PHIP: variants seen among roughly 807,000 people sequenced by gnomAD.
The protein encoded by PHIP is PHIP subunit of CUL4-Ring ligase complex, also known as PH-interacting protein.
In PHIP, 54 loss-of-function variants were observed where a neutral mutation model predicts 236.8. The ratio of observed to expected loss-of-function variants is 0.23; its 90% CI spans 0.18 to 0.29. PHIP has a LOEUF of 0.29. Ranked by LOEUF, PHIP falls within the 10% of genes least tolerant of loss-of-function variation. PHIP has a pLI of 1.00. For synonymous variants in PHIP, 756 were observed against 718.9 expected, an observed-to-expected ratio of 1.05 and a Z score of -0.83; for missense variants, 1,370 against 2,190.8, an observed-to-expected ratio of 0.63 and a Z score of 7.48.
chr6:79,045,383 T>C (rs753966439), intron 6 of PHIP, among the ~76,000 whole-genome samples: 3 of 152,178 alleles, frequency 2.0e-5, no homozygotes, highest in Admixed American at 6.6e-5. Flanking sequence ...GATAGAAGGA[T>C]GAGCTAGGAC....
intron 9 of PHIP, among the ~76,000 whole-genome samples, chr6:79,024,068 G>A (rs1234635977): frequency 6.6e-6 from 1 of 152,174 alleles, no homozygotes. Context: ...CAACTGAAGT[G>A]AAGTCAACTT....
At chr6:79,052,422 G>A (rs1772839210) in intron 6 of PHIP, among the ~76,000 whole-genome samples, 1 of 152,168 alleles carries the variant, frequency 6.6e-6, no homozygotes, top group Admixed American at 6.5e-5. Context: ...GAGAAGGTAG[G>A]GGAGCGGACT....
At position 78,997,375 on chromosome 6, in the gene PHIP, A is replaced by G. The variant is rs905013635; in HGVS notation, c.2201+39T>C. 1.9e-6 allele frequency: 3 copies of G among 1,570,806 alleles called. No individual in the cohort carries two copies. The African/African-American group carries it at 4.1e-5, about 21-fold the overall frequency. On this transcript the variant is annotated intron_variant, in intron 19 of 39. Transcript: ENST00000275034. ...ATGCTGTTAACTCCAAAATGAACCC[A>G]AGGAACTATGGTACATAAAAATTCA...
intron 7 of PHIP, among the ~76,000 whole-genome samples, chr6:79,029,831 T>C (rs1771583358): frequency 6.6e-6 from 1 of 152,060 alleles, no homozygotes; most frequent in South Asian, 2.1e-4. Flanking sequence ...TTTAAATAAA[T>C]GAGGAAGAAT....
intron 4 of PHIP, among the ~76,000 whole-genome samples, chr6:79,076,799 C>T (rs1250219368): frequency 6.6e-6 from 1 of 152,150 alleles, no homozygotes; most frequent in Non-Finnish European, 1.5e-5. Context: ...ACAGGCTTTA[C>T]ACTTCTGCAA....
At chr6:79,030,404 A>G (rs1222345671) in intron 7 of PHIP, among the ~76,000 whole-genome samples, 2 of 152,202 alleles carry the variant, frequency 1.3e-5, no homozygotes, top group African/African-American at 4.8e-5. Flanking sequence ...TAACATCTCA[A>G]TGTTGCTGGG....
At chr6:79,046,901 A>AT (rs1046291577) in intron 6 of PHIP, among the ~76,000 whole-genome samples, 14 of 149,666 alleles carry the variant, frequency 9.4e-5, no homozygotes, top group African/African-American at 3.5e-4. Context: ...AGGTTTAAGA[A>AT]TTAAAAAAAA....
At chr6:78,950,232 AG>A (rs1774066603) in intron 35 of PHIP, among the ~76,000 whole-genome samples, 1 of 152,244 alleles carries the variant, frequency 6.6e-6, no homozygotes, top group African/African-American at 2.4e-5. Flanking sequence ...TGGAATAAAC[AG>A]CACTTGGTCA....
At chr6:78,958,833 T>C (rs1025012184) in intron 31 of PHIP, among the ~76,000 whole-genome samples, 3 of 152,024 alleles carry the variant, frequency 2.0e-5, no homozygotes, top group Non-Finnish European at 4.4e-5. Context: ...GAACACACCA[T>C]ATTAACAAAG....
At chr6:78,984,391 C>A (rs1204278388) in intron 22 of PHIP, among the ~76,000 whole-genome samples, 1 of 149,750 alleles carries the variant, frequency 6.7e-6, no homozygotes, top group Non-Finnish European at 1.5e-5. Flanking sequence ...ATGGTACCTG[C>A]CAAATCACAC....
chr6:78,960,294 T>C (rs1246416373), intron 31 of PHIP, among the ~76,000 whole-genome samples: 1 of 152,152 alleles, frequency 6.6e-6, no homozygotes, highest in East Asian at 1.9e-4. Context: ...GCAGCTTATA[T>C]TTCTAGTTGC....
intron 17 of PHIP, among the ~76,000 whole-genome samples, chr6:78,998,885 G>C (rs143036024): frequency 1.3e-5 from 2 of 152,234 alleles, no homozygotes; most frequent in African/African-American, 2.4e-5. Context: ...GCCAGGTACT[G>C]AGATCTAGTG....
chr6:79,022,816 A>C (rs1207668285), intron 9 of PHIP, among the ~76,000 whole-genome samples: 2 of 152,220 alleles, frequency 1.3e-5, no homozygotes, highest in African/African-American at 2.4e-5. Context: ...GTGAATTTAT[A>C]AAGATATTTG....
chr6:78,950,596 G>T (rs989980805), intron 35 of PHIP, among the ~76,000 whole-genome samples: 2 of 152,136 alleles, frequency 1.3e-5, no homozygotes, highest in South Asian at 2.1e-4. Context: ...TCTATTTCAT[G>T]TAAGTTATCA....
chr6:78,991,044 A>G (rs946253903), intron 19 of PHIP, 59 bp from the exon 20 acceptor site: 19 of 971,180 alleles, frequency 2.0e-5, no homozygotes, highest in Non-Finnish European at 2.7e-5. Context: ...TTCCTCCAAA[A>G]GGAATGTTAG....
intron 4 of PHIP, among the ~76,000 whole-genome samples, chr6:79,077,054 T>C (rs548559905): frequency 1.3e-5 from 2 of 152,150 alleles, no homozygotes; most frequent in South Asian, 2.1e-4. Flanking sequence ...CGGCCGCGCG[T>C]GCAGAGCGAG....
At chr6:79,071,859 T>G (rs1252709355) in intron 4 of PHIP, among the ~76,000 whole-genome samples, 1 of 152,096 alleles carries the variant, frequency 6.6e-6, no homozygotes, top group African/African-American at 2.4e-5. Context: ...GAAGAATGAC[T>G]GTCAATTGGT....
intron 7 of PHIP, among the ~76,000 whole-genome samples, chr6:79,030,456 G>A (rs1055588608): frequency 6.6e-6 from 1 of 152,166 alleles, no homozygotes; most frequent in Non-Finnish European, 1.5e-5. Flanking sequence ...AAGAAAACTT[G>A]AAAGTACAAA....
chr6:79,053,546 G>A (rs886852307), intron 6 of PHIP, among the ~76,000 whole-genome samples: 1 of 152,080 alleles, frequency 6.6e-6, no homozygotes, highest in African/African-American at 2.4e-5. Flanking sequence ...GCTTCCTTAT[G>A]GAGCTGAACA....
Sources: gnomAD v4.1 joint callset for allele counts (sites outside exome capture counted in the v4.1 genomes callset) on GRCh38, gnomAD v4.1.1 for gene constraint, MANE v1.5 for transcripts, NCBI Gene and HGNC (gene_info 2026-07-23, HGNC 2026-07-21) for gene names.